The following KCNK1 variants were observed in gnomAD, a reference collection of about 807,000 sequenced individuals.
KCNK1 encodes potassium channel subfamily K member 1.
KCNK1 carries 10 observed loss-of-function variants against 22.2 expected under a neutral mutation model. The ratio of observed to expected loss-of-function variants is 0.45; its 90% CI spans 0.28 to 0.76. The LOEUF (loss-of-function observed/expected upper bound fraction) is 0.76, where lower values mean the gene tolerates loss of function less well. Ranked by LOEUF, KCNK1 falls within the 30% of genes least tolerant of loss-of-function variation. The pLI, the probability that KCNK1 is intolerant of heterozygous loss-of-function variation, is 0.14. For missense variants in KCNK1, 378 were observed against 421.0 expected (o/e 0.90, Z 0.89); for synonymous variants, 200 against 186.4 (o/e 1.07, Z -0.60).
Position 233,614,273 on chromosome 1 carries a change from G to C in KCNK1, c.102G>C (p.Leu34=), listed in dbSNP as rs1284609301. 9 of 1,613,380 alleles carry C rather than the reference G, an allele frequency of 5.6e-6. No homozygotes were observed. The highest frequency in any genetic ancestry group is 1.3e-5 in the African/African-American group (1 of 74,916). ...GFLVLGYLLY[L]VFGAVVFSSV... ...TGGTGCTGGGCTACTTGCTCTACCT[G>C]GTCTTCGGCGCAGTGGTCTTCTCCT... The change falls in exon 1 of 3, where the codon CTG becomes CTC. Residue 34 remains leucine (L), a synonymous_variant. Transcript: ENST00000366621.
chr1:233,655,582 C>G (rs566451946), intron 1 of KCNK1: 1 of 152,306 alleles, frequency 6.6e-6, no homozygotes, highest in Admixed American at 6.5e-5. Flanking sequence ...CCCACCCTCT[C>G]AAGGTGATGG....
intron 1 of KCNK1, among the ~76,000 whole-genome samples, chr1:233,646,411 G>A (rs567760799): frequency 5.9e-5 from 9 of 152,154 alleles, no homozygotes; most frequent in Non-Finnish European, 1.2e-4. Context: ...TAAAGGCATG[G>A]ATCTAGACGG....
At chr1:233,651,483 T>G (rs567621641) in intron 1 of KCNK1, among the ~76,000 whole-genome samples, 1 of 152,262 alleles carries the variant, frequency 6.6e-6, no homozygotes, top group East Asian at 1.9e-4. Context: ...AAAACTAGAT[T>G]TATCCTCTCT....
chr1:233,666,483 G>A, intron 1 of KCNK1, 112 bp from the exon 2 acceptor site: 1 of 1,026,890 alleles, frequency 9.7e-7, no homozygotes, highest in South Asian at 1.7e-5. Flanking sequence ...AAGTCTCGCT[G>A]TTCTCTTTGG....
At chr1:233,626,388 C>A (rs1273785477) in intron 1 of KCNK1, among the ~76,000 whole-genome samples, 2 of 151,730 alleles carry the variant, frequency 1.3e-5, no homozygotes, top group East Asian at 3.9e-4. Context: ...ACTTGAGATC[C>A]CTTTTGGGTG....
intron 1 of KCNK1, among the ~76,000 whole-genome samples, chr1:233,658,856 T>A (rs956675274): frequency 2.6e-5 from 4 of 152,206 alleles, no homozygotes; most frequent in African/African-American, 9.6e-5. Flanking sequence ...GAATGGGGCT[T>A]GCAGGAATTG....
intron 1 of KCNK1, among the ~76,000 whole-genome samples, chr1:233,663,626 A>G (rs924226193): frequency 2.8e-4 from 42 of 152,352 alleles, no homozygotes; most frequent in African/African-American, 9.6e-4. Flanking sequence ...AAAAAAAGTA[A>G]TAAAATCATA....
At position 233,671,428 on chromosome 1, in the gene KCNK1, G is replaced by A. The variant is rs147325030; in HGVS notation, c.909G>A (p.Ser303=). The stretch of plus-strand genomic sequence containing the variant: ...AGCATGACCAACTGTCCTTCTCCTC[G>A]ATCACAGACCAGGCAGCTGGCATGA... ...IIEHDQLSFS[S]ITDQAAGMKE... Residue 303 remains serine (S), a synonymous_variant, in exon 3 of 3, where the codon TCG becomes TCA. Transcript: ENST00000366621. The A allele has an allele frequency of 1.4e-3, 2,198 of 1,614,102 alleles. 12 individuals are homozygous for A. In the African/African-American group the frequency reaches 0.019, roughly 14 times the overall value.
At chr1:233,661,800 G>A (rs1198045193) in intron 1 of KCNK1, 1 of 152,222 alleles carries the variant, frequency 6.6e-6, no homozygotes, top group Non-Finnish European at 1.5e-5. Flanking sequence ...AAGACATGTT[G>A]TATGCAAGAT....
Position 233,669,659 on chromosome 1 carries a change from C to T in KCNK1, c.752-1612C>T, listed in dbSNP as rs368377753. ...GCCAGGAGTTCGAGACCAACCTGGC[C>T]AATATGGTGAAACACCATCTCTACT... On this transcript the variant is annotated intron_variant, in intron 2 of 2. Transcript: ENST00000366621. 3.9e-5 allele frequency among the ~76,000 whole-genome samples: 6 copies of T among 152,144 alleles called. No homozygotes were observed. In the East Asian group the frequency reaches 5.8e-4, roughly 15 times the overall value.
chr1:233,671,279 C>A lies in KCNK1; in HGVS notation c.760C>A (p.Leu254Ile). ...TCCTGTTTCTCACACAGGTTACCTG[C>A]TACTTGGCCTTATTGCCATGTTGGT... ...LYKIGITCYL[L>I]LGLIAMLVVL... is the part of the protein sequence containing the mutation. Residue 254 changes from leucine to isoleucine, a missense_variant, in exon 3 of 3, where the codon CTA (leucine) becomes ATA (isoleucine). Leu to Ile is a conservative substitution (Grantham distance 5). Transcript: ENST00000366621. 1 of 1,614,108 alleles carries A rather than the reference C, an allele frequency of 6.2e-7. No homozygotes were observed. Among genetic ancestry groups the A allele is most frequent in the African/African-American group, 1.3e-5 (1 of 75,050 alleles).
intron 1 of KCNK1, among the ~76,000 whole-genome samples, chr1:233,645,020 C>T (rs887210990): frequency 1.3e-5 from 2 of 151,880 alleles, no homozygotes; most frequent in Non-Finnish European, 2.9e-5. Context: ...TGGTGAAACC[C>T]CATCTCTACT....
At chr1:233,638,106 G>A (rs374070462) in intron 1 of KCNK1, among the ~76,000 whole-genome samples, 4 of 151,826 alleles carry the variant, frequency 2.6e-5, no homozygotes, top group East Asian at 3.9e-4. Flanking sequence ...AAATACTGGT[G>A]TGGCTATTCA....
At chr1:233,630,452 A>G (rs749176036) in intron 1 of KCNK1, 12 of 152,184 alleles carry the variant, frequency 7.9e-5, no homozygotes, top group African/African-American at 1.2e-4. Context: ...CATTGGCCTC[A>G]GATTAAGGAT....
At chr1:233,640,115 A>C (rs1241047016) in intron 1 of KCNK1, among the ~76,000 whole-genome samples, 1 of 152,246 alleles carries the variant, frequency 6.6e-6, no homozygotes, top group African/African-American at 2.4e-5. Flanking sequence ...GTGTGTGGGA[A>C]GCTGCAGTGA....
At chr1:233,632,918 G>A (rs1657832098) in intron 1 of KCNK1, among the ~76,000 whole-genome samples, 1 of 151,948 alleles carries the variant, frequency 6.6e-6, no homozygotes, top group Non-Finnish European at 1.5e-5. Context: ...AAAGACATTC[G>A]GAAGGAGAGC....
At chr1:233,625,098 C>A (rs571548690) in intron 1 of KCNK1, among the ~76,000 whole-genome samples, 1 of 152,240 alleles carries the variant, frequency 6.6e-6, no homozygotes, top group East Asian at 1.9e-4. Context: ...AGAATGAAGA[C>A]CCAAAAACAC....
intron 1 of KCNK1, among the ~76,000 whole-genome samples, chr1:233,617,952 AAG>A (rs1657513552): frequency 6.6e-6 from 1 of 152,158 alleles, no homozygotes; most frequent in South Asian, 2.1e-4. Flanking sequence ...AAAAAGAACA[AAG>A]AGGATATGAT....
At chr1:233,617,431 C>T (rs1191386922) in intron 1 of KCNK1, among the ~76,000 whole-genome samples, 2 of 152,190 alleles carry the variant, frequency 1.3e-5, no homozygotes, top group Non-Finnish European at 2.9e-5. Flanking sequence ...AGATTTCTCA[C>T]CCATCATAAG....
Sources: allele counts gnomAD v4.1 joint callset (sites outside exome capture counted in the v4.1 genomes callset), GRCh38; gene constraint gnomAD v4.1.1; transcripts MANE v1.5; gene names NCBI Gene and HGNC (gene_info 2026-07-23, HGNC 2026-07-21).